The following ESR1 variants were observed in gnomAD, a reference collection of about 807,000 sequenced individuals.
ESR1 encodes the protein estrogen receptor 1.
ESR1 carries 12 observed loss-of-function variants against 52.7 expected under a neutral mutation model. That is an observed-to-expected ratio of 0.23 (90% CI 0.15 to 0.37). ESR1 has a LOEUF of 0.37. Among genes scored for constraint, ESR1 ranks in the 10% least tolerant of loss-of-function variants. ESR1 has a pLI of 1.00. For synonymous variants in ESR1, 305 were observed against 316.8 expected, an observed-to-expected ratio of 0.96 and a Z score of 0.39; for missense variants, 584 against 779.7, an observed-to-expected ratio of 0.75 and a Z score of 2.99.
intron 2 of ESR1, among the ~76,000 whole-genome samples, chr6:151,764,992 C>T (rs747004583): frequency 3.3e-5 from 5 of 152,082 alleles, no homozygotes; most frequent in African/African-American, 4.8e-5. Context: ...GTCAGCCACA[C>T]GTGTCGTTTA....
chr6:151,746,200 C>A (rs1024699448), intron 2 of ESR1, among the ~76,000 whole-genome samples: 11 of 152,136 alleles, frequency 7.2e-5, no homozygotes. Context: ...TTTGAGGACT[C>A]TGCTTTCAGT....
chr6:151,680,502 A>G (rs1201639681), intron 1 of ESR1, among the ~76,000 whole-genome samples: 1 of 152,134 alleles, frequency 6.6e-6, no homozygotes, highest in Non-Finnish European at 1.5e-5. Context: ...GCCCGGCCAG[A>G]TGGCCACCTT....
intron 2 of ESR1, among the ~76,000 whole-genome samples, chr6:151,791,786 A>G (rs1366105140): frequency 2.0e-5 from 3 of 152,186 alleles, no homozygotes; most frequent in Non-Finnish European, 4.4e-5. Flanking sequence ...TTCAGATAGT[A>G]TAATAATAAA....
At chr6:152,025,879 T>C (rs1050731215) in intron 5 of ESR1, among the ~76,000 whole-genome samples, 12 of 152,018 alleles carry the variant, frequency 7.9e-5, no homozygotes, top group Admixed American at 2.0e-4. Context: ...AGCATCAGTT[T>C]TCGCTGGGCC....
At chr6:151,841,249 C>G (rs1420491200) in intron 1 of ESR1, among the ~76,000 whole-genome samples, 1 of 152,188 alleles carries the variant, frequency 6.6e-6, no homozygotes, top group East Asian at 1.9e-4. Context: ...TTTCTTGGGT[C>G]TTATATTCTT....
chr6:152,124,693 G>C (rs2092317135), intron 6 of ESR1, among the ~76,000 whole-genome samples: 1 of 48,864 alleles, frequency 2.0e-5, no homozygotes, highest in African/African-American at 1.5e-4. Flanking sequence ...ATAAGCTGAG[G>C]GAAAAAAAAA....
At chr6:151,715,262 A>G (rs1218020714) in intron 2 of ESR1, among the ~76,000 whole-genome samples, 1 of 152,112 alleles carries the variant, frequency 6.6e-6, no homozygotes, top group African/African-American at 2.4e-5. Flanking sequence ...CTCTGGCTGC[A>G]CTTAACATTT....
rs140315470 is a variant in ESR1 at position 151,708,888 on chromosome 6, G to A, written c.-71+6883G>A. ...ACATATATCTTGATATATCAATATC[G>A]AGATATATATATCACACGTTGTGGA... On this transcript the variant is annotated intron_variant, in intron 2 of 2. Transcript: ENST00000404742. Among the ~76,000 whole-genome samples the A allele has an allele frequency of 2.9e-4, 44 of 151,906 alleles. No individual in the cohort carries two copies. The East Asian group carries it at 6.0e-3, about 21-fold the overall frequency.
At chr6:151,839,557 A>G (rs372957268) in intron 1 of ESR1, among the ~76,000 whole-genome samples, 6 of 152,344 alleles carry the variant, frequency 3.9e-5, no homozygotes, top group African/African-American at 1.2e-4. Flanking sequence ...TTATAGCAAC[A>G]TTATTCATAA....
chr6:151,722,414 G>A (rs1320130570), intron 2 of ESR1, among the ~76,000 whole-genome samples: 2 of 152,186 alleles, frequency 1.3e-5, no homozygotes, highest in Admixed American at 6.5e-5. Flanking sequence ...CTTAGGGAGG[G>A]AGCAGTGACA....
At chr6:152,009,222 A>G (rs1482119706) in intron 4 of ESR1, among the ~76,000 whole-genome samples, 1 of 152,048 alleles carries the variant, frequency 6.6e-6, no homozygotes, top group Non-Finnish European at 1.5e-5. Context: ...CCTTCTTTAC[A>G]TGAGTGGAAT....
At chr6:151,986,898 TGAGCATGTGTGTGTGTGTGTGTGCACGC>T (rs1216817505) in intron 4 of ESR1, among the ~76,000 whole-genome samples, 1 of 151,794 alleles carries the variant, frequency 6.6e-6, no homozygotes, top group Non-Finnish European at 1.5e-5. Context: ...AGTATGTGTG[TGAGCATGTGTGTGTGTGTGTGTGCACGC>T]GAGCACGTGT....
At chr6:151,937,733 G>T (rs2034536499) in intron 3 of ESR1, among the ~76,000 whole-genome samples, 1 of 152,154 alleles carries the variant, frequency 6.6e-6, no homozygotes, top group Admixed American at 6.5e-5. Context: ...AAATTACGTA[G>T]TGTAATGATA....
chr6:151,976,502 G>T (rs2039450590), intron 4 of ESR1, among the ~76,000 whole-genome samples: 1 of 151,032 alleles, frequency 6.6e-6, no homozygotes, highest in South Asian at 2.1e-4. Context: ...AAACCTTTTT[G>T]GTTTTAGAGG....
rs780952321 is a variant in ESR1, at chr6:152,098,855, C to T, written c.1677C>T (p.Ser559=). Residue 559 remains serine (S), a synonymous_variant, in exon 8 of 8, where the codon TCC becomes TCT. Transcript: ENST00000206249. The surrounding 1 kb of genome is among the most constrained non-coding windows in gnomAD (Gnocchi z 5.1). ...CGCCCACTAGCCGTGGAGGGGCATC[C>T]GTGGAGGAGACGGACCAAAGCCACT... ...LHAPTSRGGA[S]VEETDQSHLA... is the part of the protein sequence containing the mutation. 15 of 1,614,042 alleles carry T rather than the reference C, an allele frequency of 9.3e-6. No individual in the cohort carries two copies. In the African/African-American group the frequency reaches 1.3e-4, roughly 14 times the overall value.
chr6:151,911,834 A>C (rs1006036174), intron 3 of ESR1, among the ~76,000 whole-genome samples: 43 of 152,126 alleles, frequency 2.8e-4, no homozygotes, highest in African/African-American at 1.0e-3. Context: ...TCTGACATGC[A>C]CCCGGCATTG....
At chr6:151,932,149 C>G (rs1212090422) in intron 3 of ESR1, among the ~76,000 whole-genome samples, 1 of 151,140 alleles carries the variant, frequency 6.6e-6, no homozygotes, top group East Asian at 1.9e-4. Context: ...GCCATTCTAA[C>G]TGGTGTGAGA....
chr6:151,807,776 C>T lies in ESR1; in HGVS notation c.-137C>T. On this transcript the variant is annotated 5_prime_UTR_variant, in exon 1 of 8. Coordinates refer to ENST00000206249, the MANE Select transcript of ESR1 (RefSeq NM_000125.4). ...CAGGCTCCCGGGGCAGGGCCGGGGC[C>T]AGAGCTCGCGTGTCGGCGGGACATG... 1 of 868,716 alleles carries T rather than the reference C, an allele frequency of 1.2e-6. No individual in the cohort carries two copies. The highest frequency in any genetic ancestry group is 2.6e-5 in the East Asian group (1 of 37,888). The allele number at this position is 868,716 out of a possible 1,614,324, so 53.8% of individuals were successfully genotyped here.
At chr6:152,123,557 A>G (rs1330709158) in intron 6 of ESR1, among the ~76,000 whole-genome samples, 1 of 152,200 alleles carries the variant, frequency 6.6e-6, no homozygotes, top group Non-Finnish European at 1.5e-5. Context: ...CTGGAAGTAG[A>G]TTCTGAGTTG....
Sources: allele counts gnomAD v4.1 joint callset (sites outside exome capture counted in the v4.1 genomes callset), GRCh38; gene constraint gnomAD v4.1.1; non-coding constraint Gnocchi (gnomAD v3.1); transcripts MANE v1.5; gene names NCBI Gene and HGNC (gene_info 2026-07-23, HGNC 2026-07-21).